RBM47: variants seen among roughly 807,000 people sequenced by gnomAD.
RBM47 encodes the protein RNA-binding protein 47.
A neutral mutation model predicts 47.1 loss-of-function variants in RBM47; 21 were observed. The ratio of observed to expected loss-of-function variants is 0.45; its 90% CI spans 0.32 to 0.64. RBM47 has a LOEUF of 0.64. Ranked by LOEUF, RBM47 falls within the 30% of genes least tolerant of loss-of-function variation. The pLI is 0.05. For synonymous variants in RBM47, 375 were observed against 361.7 expected, an observed-to-expected ratio of 1.04 and a Z score of -0.42; for missense variants, 708 against 870.9, an observed-to-expected ratio of 0.81 and a Z score of 2.35.
chr4:40,483,019 C>T (rs1720624286), intron 2 of RBM47, among the ~76,000 whole-genome samples: 1 of 152,160 alleles, frequency 6.6e-6, no homozygotes. Context: ...AAAACTTTAG[C>T]TGCGATGGAT....
intron 3 of RBM47, among the ~76,000 whole-genome samples, chr4:40,453,726 T>C (rs1715800203): frequency 6.6e-6 from 1 of 152,264 alleles, no homozygotes; most frequent in Admixed American, 6.5e-5. Context: ...TTCACTTACA[T>C]GCTAAGAACA....
chr4:40,470,680 A>G (rs1316483732), intron 2 of RBM47, among the ~76,000 whole-genome samples: 1 of 152,186 alleles, frequency 6.6e-6, no homozygotes, highest in African/African-American at 2.4e-5. Flanking sequence ...GCTAAAAATA[A>G]CTTTCTCACC....
Position 40,432,687 on chromosome 4 carries a change from A to G in RBM47, c.1506T>C (p.Ala502=), listed in dbSNP as rs926029576. The change falls in exon 6 of 7, where the codon GCT becomes GCC. Residue 502 remains alanine, a synonymous_variant. Coordinates refer to ENST00000295971, the MANE Select transcript of RBM47 (RefSeq NM_001098634.2). ...GTGGCGTCGACACAGTGGGAATGACAGCGGCTGCGGCGGCTGCGGCCGCGG... is the reference window on the plus strand; with the variant it reads ...GTGGCGTCGACACAGTGGGAATGACGGCGGCTGCGGCGGCTGCGGCCGCGG... The part of the protein sequence containing the change: ...AAAAAAAAAA[A]VIPTVSTPPP... 11 of 1,609,998 alleles carry G rather than the reference A, an allele frequency of 6.8e-6. No homozygotes were observed. Among genetic ancestry groups the G allele is most frequent in the Admixed American group, 6.8e-5 (4 of 59,252 alleles).
At position 40,492,080 on chromosome 4, in the gene RBM47, G is replaced by GAAGAAAAAAAAA. The variant is rs58882274; in HGVS notation, c.-154-25382_-154-25381insTTTTTTTTTCTT. 3.5e-3 allele frequency: 495 copies of GAAGAAAAAAAAA among 141,266 alleles called. 11 individuals carry two copies. Among genetic ancestry groups the GAAGAAAAAAAAA allele is most frequent in the African/African-American group, 7.5e-3 (279 of 37,274 alleles). 8.8% of individuals were successfully genotyped at this position (141,266 alleles called of 1,614,324 possible). ...AAGGTTCTGGTTTAAAACCTGAACT[G>GAAGAAAAAAAAA]AAAAAAGGCTAGGCACGGTGGCTCA... On this transcript the variant is annotated intron_variant, in intron 2 of 6. Transcript: ENST00000295971.
intron 1 of RBM47, among the ~76,000 whole-genome samples, chr4:40,588,312 CA>C (rs1332982849): frequency 6.6e-6 from 1 of 152,150 alleles, no homozygotes; most frequent in Non-Finnish European, 1.5e-5. Context: ...GCTCCTCAAC[CA>C]AGGTAATCAC....
intron 1 of RBM47, among the ~76,000 whole-genome samples, chr4:40,579,791 A>G (rs965251172): frequency 1.3e-5 from 2 of 151,418 alleles, no homozygotes; most frequent in African/African-American, 2.4e-5. Context: ...TCTGTCACCC[A>G]GGCTGGACTG....
intron 2 of RBM47, among the ~76,000 whole-genome samples, chr4:40,539,767 AAAGAT>A (rs1728328094): frequency 2.1e-5 from 3 of 143,678 alleles, no homozygotes; most frequent in Non-Finnish European, 4.5e-5. Flanking sequence ...AAAAAAAAAA[AAAGAT>A]ATATCTTCTA....
upstream of RBM47, chr4:40,630,800 A>G (rs957600932): frequency 4.6e-5 from 7 of 151,946 alleles, no homozygotes; most frequent in Non-Finnish European, 8.8e-5. Flanking sequence ...AGAGTTAAGG[A>G]GCCTCCCGCA....
chr4:40,516,266 T>C (rs1725568409), intron 2 of RBM47, among the ~76,000 whole-genome samples: 1 of 149,156 alleles, frequency 6.7e-6, no homozygotes, highest in South Asian at 2.1e-4. Flanking sequence ...TCTTTCTTTT[T>C]TTTTTTTTTT....
intron 2 of RBM47, among the ~76,000 whole-genome samples, chr4:40,500,394 T>G (rs1352150007): frequency 6.6e-6 from 1 of 151,906 alleles, no homozygotes; most frequent in East Asian, 1.9e-4. Flanking sequence ...GGCGAAATGC[T>G]TGAATCCAGG....
In RBM47 at chr4:40,531,898, G is replaced by A. The variant is rs574323573; in HGVS notation, c.-155+12524C>T. Reference sequence around the variant, plus strand: ...ATATCGTTAAGTGAGGCAGGGGGGTGAGGACAAAAGAGAATTAGCTTCCAA... The same window carrying A: ...ATATCGTTAAGTGAGGCAGGGGGGTAAGGACAAAAGAGAATTAGCTTCCAA... On this transcript the variant is annotated intron_variant, in intron 2 of 6. Transcript: ENST00000295971. Among the ~76,000 whole-genome samples the A allele has an allele frequency of 3.9e-5, 6 of 152,210 alleles. No individual in the cohort carries two copies. In the South Asian group the frequency reaches 8.3e-4, roughly 21 times the overall value.
At chr4:40,539,739 C>CAA (rs56005602) in intron 2 of RBM47, among the ~76,000 whole-genome samples, 7 of 56,330 alleles carry the variant, frequency 1.2e-4, no homozygotes, top group Admixed American at 3.2e-4. Context: ...GACTCTGTCT[C>CAA]AAAAAAAAAA....
At chr4:40,581,621 G>GGGTGGT (rs1314136833) in intron 1 of RBM47, among the ~76,000 whole-genome samples, 3 of 151,720 alleles carry the variant, frequency 2.0e-5, no homozygotes, top group Non-Finnish European at 4.4e-5. Flanking sequence ...GAGAAGGTGG[G>GGGTGGT]GGTGGTGGGG....
intron 2 of RBM47, among the ~76,000 whole-genome samples, chr4:40,475,199 T>C (rs1719430576): frequency 6.6e-6 from 1 of 152,206 alleles, no homozygotes; most frequent in Non-Finnish European, 1.5e-5. Flanking sequence ...TGAGAGGAAA[T>C]GTCATCATTG....
chr4:40,459,076 C>A (rs1486213183), intron 3 of RBM47, among the ~76,000 whole-genome samples: 1 of 152,116 alleles, frequency 6.6e-6, no homozygotes, highest in East Asian at 1.9e-4. Context: ...TAAAATTCGC[C>A]TTCTATTATG....
At chr4:40,580,953 C>T (rs1286444179) in intron 1 of RBM47, among the ~76,000 whole-genome samples, 1 of 152,162 alleles carries the variant, frequency 6.6e-6, no homozygotes, top group Non-Finnish European at 1.5e-5. Flanking sequence ...GGGCAAACGC[C>T]CCATGGCGGG....
At chr4:40,469,022 T>C (rs1047986316) in intron 2 of RBM47, among the ~76,000 whole-genome samples, 5 of 152,216 alleles carry the variant, frequency 3.3e-5, no homozygotes, top group Admixed American at 6.5e-5. Context: ...TATTCAACTT[T>C]CCTGAGCCTC....
At chr4:40,573,775 A>G (rs1292360008) in intron 1 of RBM47, among the ~76,000 whole-genome samples, 1 of 147,604 alleles carries the variant, frequency 6.8e-6, no homozygotes, top group African/African-American at 2.6e-5. Context: ...GAGAGAAAGA[A>G]AGAAAGAAAG....
At chr4:40,427,284 G>A (rs1349119816) in intron 6 of RBM47, 1 of 152,192 alleles carries the variant, frequency 6.6e-6, no homozygotes, top group Admixed American at 6.5e-5. Context: ...TCAGCAGCGG[G>A]GATATTCGAG....
Sources: gnomAD v4.1 joint callset for allele counts (sites outside exome capture counted in the v4.1 genomes callset) on GRCh38, gnomAD v4.1.1 for gene constraint, MANE v1.5 for transcripts, NCBI Gene and HGNC (gene_info 2026-07-23, HGNC 2026-07-21) for gene names.